The following IGF2BP3 variants were observed in gnomAD, a reference collection of about 807,000 sequenced individuals.
IGF2BP3 encodes insulin like growth factor 2 mRNA binding protein 3.
A neutral mutation model predicts 73.8 loss-of-function variants in IGF2BP3; 9 were observed. That is an observed-to-expected ratio of 0.12 (90% CI 0.07 to 0.21). The LOEUF (loss-of-function observed/expected upper bound fraction) is 0.21. IGF2BP3 is among the 10% of genes least tolerant of loss of function. The probability of loss-of-function intolerance (pLI) is 1.00; values close to 1 mark genes in which losing one functional copy is unlikely to be tolerated. For synonymous variants in IGF2BP3, 258 were observed against 256.7 expected (o/e 1.01, Z -0.05); for missense variants, 542 against 714.0 (o/e 0.76, Z 2.75).
At chr7:23,373,889 A>G (rs1785637440) in intron 3 of IGF2BP3, among the ~76,000 whole-genome samples, 1 of 152,112 alleles carries the variant, frequency 6.6e-6, no homozygotes, top group Admixed American at 6.6e-5. Context: ...GGTTGTTTTA[A>G]AAGAGGCTGG....
intron 2 of IGF2BP3, among the ~76,000 whole-genome samples, chr7:23,423,196 C>T (rs948248198): frequency 6.6e-6 from 1 of 152,086 alleles, no homozygotes; most frequent in Non-Finnish European, 1.5e-5. Flanking sequence ...GTACAAGAGC[C>T]AAAAGTCTCA....
At chr7:23,452,750 C>T (rs1280541622) in intron 2 of IGF2BP3, among the ~76,000 whole-genome samples, 9 of 146,354 alleles carry the variant, frequency 6.1e-5, no homozygotes, top group Non-Finnish European at 1.0e-4. Flanking sequence ...TGCAGTGAGC[C>T]GAGATCGTGC....
At position 23,347,710 on chromosome 7, in the gene IGF2BP3, A is replaced by G. The variant is rs1352858647; in HGVS notation, c.708T>C (p.Asn236=). The change falls in exon 7 of 15, where the codon AAT becomes AAC. Residue 236 remains asparagine, a synonymous_variant. Coordinates refer to ENST00000258729, the MANE Select transcript of IGF2BP3 (RefSeq NM_006547.3). ...TAATCGACTTCTCAGCAGCCCCCGC[A>G]TTTTCTTTACGGTGGACATCGATTC... ...QSKIDVHRKE[N]AGAAEKSITI... 7 of 1,613,890 alleles carry G rather than the reference A, an allele frequency of 4.3e-6. No homozygotes were observed. In the African/African-American group the frequency reaches 5.3e-5, roughly 12 times the overall value.
intron 3 of IGF2BP3, among the ~76,000 whole-genome samples, chr7:23,399,209 T>C (rs274016): frequency 0.63 from 96,079 of 151,590 alleles, 31,133 homozygotes; most frequent in African/African-American, 0.75. Flanking sequence ...TGTCAAAGAT[T>C]AGATGGTTGT....
At position 23,469,448 on chromosome 7, in the gene IGF2BP3, G is replaced by A. The variant is rs947035494; in HGVS notation, c.175+488C>T. 1 of 152,374 alleles carries A rather than the reference G, an allele frequency of 6.6e-6. No homozygotes were observed. Among genetic ancestry groups the A allele is most frequent in the Admixed American group, 6.5e-5 (1 of 15,284 alleles). 9.4% of individuals were successfully genotyped at this position (152,374 alleles called of 1,614,324 possible). On this transcript the variant is annotated intron_variant, in intron 1 of 14. Coordinates refer to ENST00000258729, the MANE Select transcript of IGF2BP3 (RefSeq NM_006547.3). This position sits in a 1 kb window ranked among gnomAD's most constrained non-coding sequence, Gnocchi z 6.1. ...CGCCTGTGCGAGGCACCAGCCTCGCGGTCTCACTCGGCAGCACGGTCGAGG... is the reference window on the plus strand; with the variant it reads ...CGCCTGTGCGAGGCACCAGCCTCGCAGTCTCACTCGGCAGCACGGTCGAGG...
rs1358370298 is a variant in IGF2BP3 at position 23,321,605 on chromosome 7, C to G, written c.1204-2351G>C. ...GGAGGCCTGCCTGCCTCTGTAGGCT[C>G]CACCTCTGGGGGCAGGGCACAGACA... On this transcript the variant is annotated intron_variant, in intron 10 of 14. Coordinates refer to ENST00000258729, the MANE Select transcript of IGF2BP3 (RefSeq NM_006547.3). Among the ~76,000 whole-genome samples, 3 of 152,234 alleles carry G rather than the reference C, an allele frequency of 2.0e-5. No homozygotes were observed. In the East Asian group the frequency reaches 5.8e-4, roughly 29 times the overall value.
At chr7:23,368,832 G>A (rs1386360960) in intron 3 of IGF2BP3, among the ~76,000 whole-genome samples, 1 of 151,966 alleles carries the variant, frequency 6.6e-6, no homozygotes, top group Non-Finnish European at 1.5e-5. Context: ...AGGAGGCAGA[G>A]GTTGTGGTGA....
chr7:23,379,254 G>A (rs751251030), intron 3 of IGF2BP3, among the ~76,000 whole-genome samples: 9 of 152,164 alleles, frequency 5.9e-5, no homozygotes, highest in Admixed American at 1.3e-4. Context: ...CACACCCACT[G>A]TTGCTCTGTC....
chr7:23,439,531 T>C (rs1283833875), intron 2 of IGF2BP3, among the ~76,000 whole-genome samples: 4 of 120,706 alleles, frequency 3.3e-5, no homozygotes, highest in African/African-American at 1.3e-4. Flanking sequence ...CACTCCAGCC[T>C]GGGAGACAAC....
chr7:23,381,780 G>T (rs974545925), intron 3 of IGF2BP3, among the ~76,000 whole-genome samples: 3 of 152,110 alleles, frequency 2.0e-5, no homozygotes, highest in Admixed American at 6.5e-5. Context: ...TGTTGGCAGG[G>T]CTGGTCTCGA....
intron 2 of IGF2BP3, among the ~76,000 whole-genome samples, chr7:23,447,930 T>C (rs934118517): frequency 1.3e-5 from 2 of 152,074 alleles, no homozygotes; most frequent in African/African-American, 4.8e-5. Flanking sequence ...CAGTGAGCCA[T>C]GGTCACAGCA....
At chr7:23,420,844 A>C (rs923313577) in intron 2 of IGF2BP3, among the ~76,000 whole-genome samples, 2 of 152,230 alleles carry the variant, frequency 1.3e-5, no homozygotes, top group Non-Finnish European at 2.9e-5. Flanking sequence ...CCAAAGAAAT[A>C]AAAGAGAATG....
intron 3 of IGF2BP3, among the ~76,000 whole-genome samples, chr7:23,391,146 CT>C (rs2128521206): frequency 6.9e-6 from 1 of 144,138 alleles, no homozygotes; most frequent in South Asian, 2.2e-4. Context: ...GTCACCCAGG[CT>C]AGAGTGCAGT....
chr7:23,382,268 C>G (rs1785936495), intron 3 of IGF2BP3, among the ~76,000 whole-genome samples: 1 of 152,056 alleles, frequency 6.6e-6, no homozygotes, highest in Non-Finnish European at 1.5e-5. Context: ...AAAAACTTCA[C>G]TATGTAATGG....
rs767190830 is a variant in IGF2BP3 at position 23,406,669 on chromosome 7, C to A, written c.285+12107G>T. Among the ~76,000 whole-genome samples the A allele has an allele frequency of 4.6e-5, 7 of 152,108 alleles. No homozygotes were observed. The East Asian group carries it at 1.2e-3, about 25-fold the overall frequency. ...TCCACAGTGTGGAAGGGGACCCTGGCGGGTTGCCACTGCTGGCTCAGGTGG... is the reference window on the plus strand; with the variant it reads ...TCCACAGTGTGGAAGGGGACCCTGGAGGGTTGCCACTGCTGGCTCAGGTGG... On this transcript the variant is annotated intron_variant, in intron 3 of 14. Coordinates refer to ENST00000258729, the MANE Select transcript of IGF2BP3 (RefSeq NM_006547.3).
chr7:23,358,786 T>C (rs149976616), intron 5 of IGF2BP3, among the ~76,000 whole-genome samples: 2 of 152,330 alleles, frequency 1.3e-5, no homozygotes, highest in African/African-American at 2.4e-5. Context: ...AAAACTGAGT[T>C]TTCCACTCCT....
At chr7:23,323,057 A>C (rs1422372987) in intron 10 of IGF2BP3, among the ~76,000 whole-genome samples, 1 of 152,208 alleles carries the variant, frequency 6.6e-6, no homozygotes, top group East Asian at 1.9e-4. Flanking sequence ...ACATGATCAA[A>C]TTCACACATA....
At chr7:23,467,041 T>C (rs1024794192) in intron 2 of IGF2BP3, among the ~76,000 whole-genome samples, 1 of 152,220 alleles carries the variant, frequency 6.6e-6, no homozygotes, top group Non-Finnish European at 1.5e-5. Context: ...GGAATATGAC[T>C]TCTCCCTCGA....
At chr7:23,313,762 C>T in intron 12 of IGF2BP3, 109 bp from the exon 13 acceptor site, 6 of 968,122 alleles carry the variant, frequency 6.2e-6, no homozygotes, top group Non-Finnish European at 9.1e-6. Flanking sequence ...TGCAGTGATA[C>T]ATCTACATTT....
Sources: allele counts gnomAD v4.1 joint callset (sites outside exome capture counted in the v4.1 genomes callset), GRCh38; gene constraint gnomAD v4.1.1; non-coding constraint Gnocchi (gnomAD v3.1); transcripts MANE v1.5; gene names NCBI Gene and HGNC (gene_info 2026-07-23, HGNC 2026-07-21).